Variants in POLG observed in about 807,000 individuals in gnomAD.
POLG encodes the protein DNA polymerase subunit gamma-1.
A neutral mutation model predicts 155.4 loss-of-function variants in POLG; 110 were observed. The observed-to-expected ratio is 0.71, with a 90% confidence interval of 0.61 to 0.83. The LOEUF is 0.83. Among genes scored for constraint, POLG ranks in the 40% least tolerant of loss-of-function variants. The probability of loss-of-function intolerance (pLI) is 0.00; values close to 1 mark genes in which losing one functional copy is unlikely to be tolerated. For synonymous variants in POLG, 701 were observed against 631.5 expected, an observed-to-expected ratio of 1.11 and a Z score of -1.65; for missense variants, 1,685 against 1,627.5, an observed-to-expected ratio of 1.04 and a Z score of -0.61.
At chr15:89,321,889 AG>A in intron 15 of POLG, 36 bp from the exon 16 acceptor site, 1 of 1,606,862 alleles carries the variant, frequency 6.2e-7, no homozygotes, top group Non-Finnish European at 8.5e-7. Context: ...GGGTCTTAGC[AG>A]GGTGCTTTGG....
In POLG at chr15:89,316,406, T is replaced by C; in HGVS notation, c.*345A>G. 6.2e-7 allele frequency: 1 copy of C among 1,611,938 alleles called. No homozygotes were observed. Among genetic ancestry groups the C allele is most frequent in the Non-Finnish European group, 8.5e-7 (1 of 1,178,724 alleles). The stretch of plus-strand genomic sequence containing the variant: ...TTCTTTCCCCTTCTAGGGCACTGCA[T>C]CAGAGCATGGGGGACAGAACAAAGA... On this transcript the variant is annotated 3_prime_UTR_variant, in exon 23 of 23. Coordinates refer to ENST00000268124, the MANE Select transcript of POLG (RefSeq NM_002693.3).
chr15:89,334,814 T>G lies in POLG; in HGVS notation c.-301A>C, dbSNP rs1391321690. 6.6e-6 allele frequency: 1 copy of G among 152,282 alleles called. No homozygotes were observed. The highest frequency in any genetic ancestry group is 1.5e-5 in the Non-Finnish European group (1 of 68,078). The allele number at this position is 152,282 out of a possible 1,614,324, so 9.4% of individuals were successfully genotyped here. A position where few individuals can be genotyped will look rare whatever the true frequency, so the allele number is the denominator to read the frequency against. The stretch of plus-strand genomic sequence containing the variant: ...GGTCCGCTTCGCTGGCAGCCGCAAC[T>G]TCCCGTCTGCACCCAGCTAGGTCCC... On this transcript the variant is annotated 5_prime_UTR_variant, in exon 1 of 23. Coordinates refer to ENST00000268124, the MANE Select transcript of POLG (RefSeq NM_002693.3).
intron 18 of POLG, among the ~76,000 whole-genome samples, chr15:89,320,258 A>G (rs2055375399): frequency 6.6e-6 from 1 of 152,192 alleles, no homozygotes; most frequent in Non-Finnish European, 1.5e-5. Context: ...CCCTGCAGAG[A>G]GTCTGCTAAG....
intron 18 of POLG, 38 bp from the exon 19 acceptor site, chr15:89,319,388 C>T (rs1187590150): frequency 1.2e-6 from 2 of 1,611,004 alleles, no homozygotes; most frequent in Non-Finnish European, 8.5e-7. Flanking sequence ...CACGGGAGTG[C>T]TTCCTGTGCC....
At chr15:89,323,041 ACGCGCG>A (rs1178018956) in intron 13 of POLG, 139 bp from the exon 14 acceptor site, 4 of 670,344 alleles carry the variant, frequency 6.0e-6, no homozygotes, top group South Asian at 5.3e-5. Context: ...TGTATCACGC[ACGCGCG>A]CACGCGCGCA....
intron 1 of POLG, among the ~76,000 whole-genome samples, chr15:89,334,181 C>T (rs1043268706): frequency 4.6e-5 from 7 of 152,216 alleles, no homozygotes; most frequent in African/African-American, 1.2e-4. Context: ...CGGTTTTGAA[C>T]CCCGCTTCTG....
rs1275616370 is a variant in POLG, at chr15:89,316,399, C to T, written c.*352G>A. The T allele has an allele frequency of 1.2e-6, 2 of 1,611,648 alleles. No individual in the cohort carries two copies. Among genetic ancestry groups the T allele is most frequent in the Admixed American group, 1.7e-5 (1 of 59,846 alleles). ...GCATTAATTCTTTCCCCTTCTAGGG[C>T]ACTGCATCAGAGCATGGGGGACAGA... On this transcript the variant is annotated 3_prime_UTR_variant, in exon 23 of 23. Coordinates refer to ENST00000268124, the MANE Select transcript of POLG (RefSeq NM_002693.3).
At chr15:89,327,449 T>C (rs764253525) in intron 6 of POLG, 100 bp from the exon 7 acceptor site, 31 of 1,065,958 alleles carry the variant, frequency 2.9e-5, no homozygotes, top group African/African-American at 4.7e-5. Flanking sequence ...GCCACTGACA[T>C]GGCACAGCTC....
chr15:89,320,694 T>C (rs1465119076), intron 18 of POLG, 72 bp downstream of exon 18: 2 of 1,542,878 alleles, frequency 1.3e-6, no homozygotes, highest in Non-Finnish European at 1.8e-6. Context: ...ATAGAACAGA[T>C]GGTAGTACTA....
chr15:89,330,772 A>G (rs2055584163), intron 2 of POLG, among the ~76,000 whole-genome samples: 1 of 152,122 alleles, frequency 6.6e-6, no homozygotes, highest in African/African-American at 2.4e-5. Flanking sequence ...ACACATGTAC[A>G]GGATGAATCA....
At chr15:89,322,382 A>G (rs1054790028) in intron 14 of POLG, among the ~76,000 whole-genome samples, 1 of 152,204 alleles carries the variant, frequency 6.6e-6, no homozygotes, top group African/African-American at 2.4e-5. Context: ...ATGGCCTTCA[A>G]GATGAATACA....
intron 10 of POLG, 89 bp downstream of exon 10, chr15:89,325,361 C>T: frequency 1.1e-6 from 1 of 875,152 alleles, no homozygotes; most frequent in Non-Finnish European, 1.9e-6. Context: ...GACTCTTGAA[C>T]CCAAACTCTT....
chr15:89,328,591 A>G, intron 5 of POLG, 56 bp from the exon 6 acceptor site: 1 of 1,606,470 alleles, frequency 6.2e-7, no homozygotes, highest in Non-Finnish European at 8.5e-7. Context: ...TACCACCACC[A>G]GCTCTCAGGG....
In POLG at chr15:89,323,491, C is replaced by T; in HGVS notation, c.2178G>A (p.Lys726=). 1.2e-6 allele frequency: 2 copies of T among 1,613,158 alleles called. No individual in the cohort carries two copies. The highest frequency in any genetic ancestry group is 1.3e-5 in the African/African-American group (1 of 75,050). The change falls in exon 13 of 23, where the codon AAG becomes AAA. Residue 726 remains lysine, a synonymous_variant. Coordinates refer to ENST00000268124, the MANE Select transcript of POLG (RefSeq NM_002693.3). ...CATGGTGATAGCTGGGCTGGGTGTC[C>T]TTGGGGCCACCACGGGCAGTCTGTG... is the stretch of plus-strand genomic sequence containing the variant. The part of the protein sequence containing the change: ...PLALTARGGP[K]DTQPSYHHGN...
In POLG at chr15:89,323,612, C is replaced by T. The variant is rs928168595; in HGVS notation, c.2158-101G>A. 7.0e-6 allele frequency: 6 copies of T among 859,616 alleles called. No individual in the cohort carries two copies. In the African/African-American group the frequency reaches 9.9e-5, roughly 14 times the overall value. 53.2% of individuals were successfully genotyped at this position (859,616 alleles called of 1,614,324 possible). On this transcript the variant is annotated intron_variant, in intron 12 of 22. Coordinates refer to ENST00000268124, the MANE Select transcript of POLG (RefSeq NM_002693.3). The stretch of plus-strand genomic sequence containing the variant: ...GAAAAGGGCCTGAAACTGTCGTCAT[C>T]AGCTGGGAAATGACAAGATGGCCAT...
intron 10 of POLG, among the ~76,000 whole-genome samples, chr15:89,325,119 T>TGAGAGA (rs1567189419): frequency 2.7e-5 from 1 of 36,618 alleles, no homozygotes; most frequent in Non-Finnish European, 5.2e-5. Context: ...AGAGAGTGAG[T>TGAGAGA]GAGTGAGTGA....
At chr15:89,317,295 C>A (rs1410882711) in intron 22 of POLG, 81 bp downstream of exon 22, 2 of 1,459,098 alleles carry the variant, frequency 1.4e-6, no homozygotes, top group East Asian at 2.3e-5. Flanking sequence ...TCTGGGGCCC[C>A]AAGTTTCCTG....
Position 89,333,588 on chromosome 15 carries a change from G to C in POLG, c.167C>G (p.Pro56Arg), listed in dbSNP as rs1022612492. 2.5e-6 allele frequency: 4 copies of C among 1,604,890 alleles called. No individual in the cohort carries two copies. Among genetic ancestry groups the C allele is most frequent in the Non-Finnish European group, 2.5e-6 (3 of 1,176,630 alleles). ...CGAGGATAGCACTTGCGGCTGCTGAGGCTGCTGTTGCTGCTGCTGCTGCTG... is the reference window on the plus strand; with the variant it reads ...CGAGGATAGCACTTGCGGCTGCTGACGCTGCTGTTGCTGCTGCTGCTGCTG... Reference protein sequence around the residue: ...QQQQQQQQQQPQQPQVLSSEG... With the variant: ...QQQQQQQQQQRQQPQVLSSEG... The change falls in exon 2 of 23, where the codon CCT (proline) becomes CGT (arginine). Residue 56 changes from proline (P) to arginine (R), a missense_variant. By Grantham distance (103) the Pro-to-Arg change is moderately radical. Transcript: ENST00000268124.
intron 17 of POLG, 34 bp downstream of exon 17, chr15:89,321,091 G>T (rs1157920995): frequency 9.8e-6 from 15 of 1,524,758 alleles, no homozygotes; most frequent in Non-Finnish European, 1.3e-5. Context: ...ATATGCTGAG[G>T]GGCTGGGCTG....
Sources: gnomAD v4.1 joint callset for allele counts (sites outside exome capture counted in the v4.1 genomes callset) on GRCh38, gnomAD v4.1.1 for gene constraint, MANE v1.5 for transcripts, NCBI Gene and HGNC (gene_info 2026-07-23, HGNC 2026-07-21) for gene names.